The following GDI2 variants were observed in gnomAD, a reference collection of about 807,000 sequenced individuals.
GDI2 encodes the protein GDP dissociation inhibitor 2.
A neutral mutation model predicts 54.2 loss-of-function variants in GDI2; 22 were observed. The observed-to-expected ratio is 0.41, with a 90% CI of 0.29 to 0.58. The LOEUF (loss-of-function observed/expected upper bound fraction) is 0.58. Among genes scored for constraint, GDI2 ranks in the 20% least tolerant of loss-of-function variants. GDI2 has a pLI of 0.35. For synonymous variants in GDI2, 177 were observed against 182.1 expected, an observed-to-expected ratio of 0.97 and a Z score of 0.23; for missense variants, 422 against 546.0, an observed-to-expected ratio of 0.77 and a Z score of 2.26.
chr10:5,808,521 A>G (rs1841422613), intron 1 of GDI2, among the ~76,000 whole-genome samples: 1 of 151,852 alleles, frequency 6.6e-6, no homozygotes, highest in Admixed American at 6.6e-5. Flanking sequence ...TAAACATACA[A>G]AAAAATTAGC....
chr10:5,809,252 A>AACAAAAAAAAAAC (rs1330546496), intron 1 of GDI2, among the ~76,000 whole-genome samples: 3 of 151,968 alleles, frequency 2.0e-5, no homozygotes, highest in Non-Finnish European at 4.4e-5. Context: ...CTCAAAAAAA[A>AACAAAAAAAAAAC]ACAAAAAAAA....
At chr10:5,811,203 T>C (rs1278065264) in intron 1 of GDI2, among the ~76,000 whole-genome samples, 1 of 152,216 alleles carries the variant, frequency 6.6e-6, no homozygotes, top group Non-Finnish European at 1.5e-5. Context: ...GGTAATAATG[T>C]GATTGTCCTG....
chr10:5,786,162 G>A, intron 4 of GDI2, 112 bp from the exon 5 acceptor site: 2 of 498,596 alleles, frequency 4.0e-6, no homozygotes, highest in East Asian at 3.4e-5. Context: ...AATGCAGGAT[G>A]CAATTTTTTT....
At chr10:5,793,782 T>G (rs1380079039) in intron 4 of GDI2, among the ~76,000 whole-genome samples, 1 of 152,128 alleles carries the variant, frequency 6.6e-6, no homozygotes. Flanking sequence ...TCTGGACTGT[T>G]TGCTATTTAA....
At position 5,768,269 on chromosome 10, in the gene GDI2, T is replaced by C. The variant is rs151228905; in HGVS notation, c.935A>G (p.Asn312Ser). Residue 312 changes from asparagine (N) to serine (S), a missense_variant, in exon 8 of 11, where the codon AAT (asparagine) becomes AGT (serine). Physicochemically the swap from Asn to Ser is conservative, Grantham distance 46. Coordinates refer to ENST00000380191, the MANE Select transcript of GDI2 (RefSeq NM_001494.4). This position sits in a 1 kb window ranked among gnomAD's most constrained non-coding sequence, Gnocchi z 4.4. The stretch of plus-strand genomic sequence containing the variant: ...AATGATCTGGCAGGAGTTGGCATCA[T>C]TGGTGTTCTTGATGGGGTGGCTGAG... The part of the protein sequence containing the change: ...CILSHPIKNT[N>S]DANSCQIIIP... The C allele has an allele frequency of 4.2e-5, 68 of 1,611,778 alleles. No individual in the cohort carries two copies. Among genetic ancestry groups the C allele is most frequent in the Non-Finnish European group, 4.9e-5 (58 of 1,177,802 alleles).
rs1297669141 is a variant in GDI2 at position 5,765,829 on chromosome 10, G to A, written c.*177C>T. On this transcript the variant is annotated 3_prime_UTR_variant, in exon 11 of 11. Coordinates refer to ENST00000380191, the MANE Select transcript of GDI2 (RefSeq NM_001494.4). ...ATGTGGTAACTGCCAATGCTGAATAGCCACTCCATGAAAACAAGTTAATAA... is the reference window on the plus strand; with the variant it reads ...ATGTGGTAACTGCCAATGCTGAATAACCACTCCATGAAAACAAGTTAATAA... 2 of 532,948 alleles carry A rather than the reference G, an allele frequency of 3.8e-6. No individual in the cohort carries two copies. The highest frequency in any genetic ancestry group is 6.5e-6 in the Non-Finnish European group (2 of 309,728). The allele number at this position is 532,948 out of a possible 1,614,324, so 33.0% of individuals were successfully genotyped here. A position where few individuals can be genotyped will look rare whatever the true frequency, so the allele number is the denominator to read the frequency against.
chr10:5,778,104 G>C (rs1210123939), intron 6 of GDI2, among the ~76,000 whole-genome samples: 3 of 152,094 alleles, frequency 2.0e-5, no homozygotes, highest in Non-Finnish European at 4.4e-5. Context: ...ATGGACACAG[G>C]GAGAGGAACA....
At chr10:5,796,906 ATTTT>A (rs776219384) in intron 2 of GDI2, 44 bp from the exon 3 acceptor site, 3 of 921,308 alleles carry the variant, frequency 3.3e-6, no homozygotes, top group Non-Finnish European at 5.3e-6. Flanking sequence ...ACAAAATTTA[ATTTT>A]TTATTACAAT....
chr10:5,795,051 TAA>T lies in GDI2; in HGVS notation c.254-34_254-33del, dbSNP rs773200305. 1.2e-5 allele frequency: 17 copies of T among 1,428,500 alleles called. 1 individual carries two copies. The African/African-American group carries it at 1.3e-4, about 11-fold the overall frequency. The allele number at this position is 1,428,500 out of a possible 1,614,324, so 88.5% of individuals were successfully genotyped here. On this transcript the variant is annotated intron_variant, in intron 3 of 10. Coordinates refer to ENST00000380191, the MANE Select transcript of GDI2 (RefSeq NM_001494.4). ...AAGTCACATAATTCAAACTATAACTTAAGTCTATAAATTATAAAGAACATTTA... is the reference window on the plus strand; with the variant it reads ...AAGTCACATAATTCAAACTATAACTTGTCTATAAATTATAAAGAACATTTA...
At chr10:5,795,232 C>A (rs1299797376) in intron 3 of GDI2, among the ~76,000 whole-genome samples, 1 of 152,130 alleles carries the variant, frequency 6.6e-6, no homozygotes, top group Non-Finnish European at 1.5e-5. Context: ...TGGGCTCATG[C>A]AAGCTTCCAG....
intron 6 of GDI2, among the ~76,000 whole-genome samples, chr10:5,775,234 G>T (rs1361809653): frequency 1.3e-5 from 2 of 152,174 alleles, no homozygotes; most frequent in African/African-American, 4.8e-5. Flanking sequence ...GCTGCAGTAA[G>T]TCGTGATCAC....
At chr10:5,800,944 A>AT (rs571968017) in intron 1 of GDI2, among the ~76,000 whole-genome samples, 2,423 of 147,690 alleles carry the variant, frequency 0.016, 53 homozygotes, top group African/African-American at 0.051. Context: ...TCACCTTTTA[A>AT]TTTTTTTTTT....
intron 3 of GDI2, among the ~76,000 whole-genome samples, chr10:5,796,312 G>T (rs60864347): frequency 0.057 from 8,433 of 147,716 alleles, 755 homozygotes; most frequent in East Asian, 0.43. Context: ...TCATGCCACT[G>T]CACTCCAGCC....
At chr10:5,804,725 T>TTCA (rs1197594117) in intron 1 of GDI2, among the ~76,000 whole-genome samples, 29 of 152,226 alleles carry the variant, frequency 1.9e-4, no homozygotes, top group African/African-American at 6.8e-4. Context: ...CCCATATCTG[T>TTCA]TCATGTACAT....
Position 5,766,766 on chromosome 10 carries a change from T to C in GDI2, c.992-128A>G. ...CTCAATAGGCAAGATCTTCTACACT[T>C]AAGTTCTAAATGGTGACAGAGTTGG... On this transcript the variant is annotated intron_variant, in intron 8 of 10. Transcript: ENST00000380191. The surrounding 1 kb of genome is among the most constrained non-coding windows in gnomAD (Gnocchi z 5.8). 1 of 668,690 alleles carries C rather than the reference T, an allele frequency of 1.5e-6. No individual in the cohort carries two copies. The highest frequency in any genetic ancestry group is 2.6e-6 in the Non-Finnish European group (1 of 382,298). The allele number at this position is 668,690 out of a possible 1,614,324, so 41.4% of individuals were successfully genotyped here. A position where few individuals can be genotyped will look rare whatever the true frequency, so the allele number is the denominator to read the frequency against.
chr10:5,786,219 G>C (rs112762271), intron 4 of GDI2, among the ~76,000 whole-genome samples, 169 bp from the exon 5 acceptor site: 1 of 125,248 alleles, frequency 8.0e-6, no homozygotes, highest in Non-Finnish European at 1.6e-5. Context: ...CGCCTAGACT[G>C]GAGTGCAATG....
intron 1 of GDI2, among the ~76,000 whole-genome samples, chr10:5,808,818 A>G (rs569513422): frequency 1.3e-5 from 2 of 152,288 alleles, no homozygotes; most frequent in East Asian, 1.9e-4. Context: ...ACTTACCTAG[A>G]AACATGAGAA....
At chr10:5,777,120 G>A (rs1840640557) in intron 6 of GDI2, among the ~76,000 whole-genome samples, 1 of 152,114 alleles carries the variant, frequency 6.6e-6, no homozygotes, top group Admixed American at 6.5e-5. Flanking sequence ...CAAACCAAAT[G>A]GCTACATAGA....
chr10:5,795,760 T>C (rs1288252700), intron 3 of GDI2, among the ~76,000 whole-genome samples: 2 of 151,892 alleles, frequency 1.3e-5, no homozygotes, highest in African/African-American at 4.8e-5. Context: ...TGAGACCTCA[T>C]CTCTACCATA....
Sources: allele counts gnomAD v4.1 joint callset (sites outside exome capture counted in the v4.1 genomes callset), GRCh38; gene constraint gnomAD v4.1.1; non-coding constraint Gnocchi (gnomAD v3.1); transcripts MANE v1.5; gene names NCBI Gene and HGNC (gene_info 2026-07-23, HGNC 2026-07-21).